Variants in IFT140 observed in about 807,000 individuals in gnomAD.
The protein encoded by IFT140 is intraflagellar transport protein 140 homolog.
In IFT140, 133 loss-of-function variants were observed where a neutral mutation model predicts 164.6. The ratio of observed to expected loss-of-function variants is 0.81; its 90% CI spans 0.70 to 0.93. The LOEUF is 0.93. IFT140 is among the 40% of genes least tolerant of loss of function. The pLI is 0.00. For synonymous variants in IFT140, 860 were observed against 817.3 expected (o/e 1.05, Z -0.89); for missense variants, 2,045 against 1,972.3 (o/e 1.04, Z -0.70).
chr16:1,603,062 A>T (rs2035876901), intron 3 of IFT140, among the ~76,000 whole-genome samples: 1 of 152,164 alleles, frequency 6.6e-6, no homozygotes, highest in African/African-American at 2.4e-5. Flanking sequence ...AATTTTTCAT[A>T]AAAACGCACC....
chr16:1,572,431 G>C (rs2034070043), intron 13 of IFT140, among the ~76,000 whole-genome samples: 2 of 152,178 alleles, frequency 1.3e-5, no homozygotes, highest in African/African-American at 4.8e-5. Flanking sequence ...TGGATCATGA[G>C]GTCAGGAGAT....
At position 1,586,203 on chromosome 16, in the gene IFT140, G is replaced by A; in HGVS notation, c.1082C>T (p.Pro361Leu). 6.2e-7 allele frequency: 1 copy of A among 1,614,104 alleles called. No individual in the cohort carries two copies. The highest frequency in any genetic ancestry group is 8.5e-7 in the Non-Finnish European group (1 of 1,180,032). Reference sequence around the variant, plus strand: ...CCACCTGTCCTTGCCCTCTGCCCCGGGGCTGCCCAGGAAGTCTGGTACTTT... The same window carrying A: ...CCACCTGTCCTTGCCCTCTGCCCCGAGGCTGCCCAGGAAGTCTGGTACTTT... ...WRKVPDFLGSPGAEGKDRWAL... is the reference protein window; with the variant it reads ...WRKVPDFLGSLGAEGKDRWAL... Residue 361 changes from proline (P) to leucine (L), a missense_variant, in exon 10 of 31, where the codon CCC (proline) becomes CTC (leucine). By Grantham distance (98) the Pro-to-Leu change is moderately conservative (BLOSUM62 -3). Coordinates refer to ENST00000426508, the MANE Select transcript of IFT140 (RefSeq NM_014714.4).
intron 4 of IFT140, among the ~76,000 whole-genome samples, chr16:1,596,754 C>T (rs988026105): frequency 1.3e-5 from 2 of 152,080 alleles, no homozygotes; most frequent in African/African-American, 4.8e-5. Flanking sequence ...GAGCCCGAGG[C>T]GCCTCCACCT....
chr16:1,569,738 A>G (rs186040448), intron 14 of IFT140, among the ~76,000 whole-genome samples: 364 of 149,454 alleles, frequency 2.4e-3, no homozygotes, highest in African/African-American at 8.4e-3. Flanking sequence ...CTATAGATGC[A>G]AGTCACCATG....
intron 13 of IFT140, among the ~76,000 whole-genome samples, chr16:1,575,656 G>A (rs966907006): frequency 3.3e-5 from 5 of 152,160 alleles, no homozygotes; most frequent in Admixed American, 2.0e-4. Flanking sequence ...ACTTCTCAGT[G>A]GGCCCACTGT....
intron 19 of IFT140, among the ~76,000 whole-genome samples, chr16:1,540,365 A>G (rs1157563054): frequency 1.3e-5 from 2 of 152,234 alleles, no homozygotes; most frequent in South Asian, 2.1e-4. Flanking sequence ...CTCACGAAGT[A>G]AAGCAGCCCG....
intron 30 of IFT140, among the ~76,000 whole-genome samples, chr16:1,513,872 A>C (rs868010424): frequency 1.4e-5 from 2 of 141,106 alleles, no homozygotes; most frequent in Non-Finnish European, 3.0e-5. Context: ...ACGGGGTTTC[A>C]CCGTGTTAGC....
chr16:1,609,444 G>A (rs1007334132), intron 2 of IFT140, among the ~76,000 whole-genome samples: 3 of 152,092 alleles, frequency 2.0e-5, no homozygotes, highest in Non-Finnish European at 1.5e-5. Context: ...ACAACGTTGC[G>A]CTTCTCCGTG....
At chr16:1,513,545 G>A (rs1327758288) in intron 30 of IFT140, among the ~76,000 whole-genome samples, 2 of 152,064 alleles carry the variant, frequency 1.3e-5, no homozygotes, top group African/African-American at 4.8e-5. Context: ...ACAGCAGCAC[G>A]ACTCCTGTGA....
At chr16:1,567,497 A>G (rs948528526) in intron 15 of IFT140, among the ~76,000 whole-genome samples, 1 of 152,074 alleles carries the variant, frequency 6.6e-6, no homozygotes, top group African/African-American at 2.4e-5. Context: ...CCGGAGCTCC[A>G]CAGCAGCGCA....
At chr16:1,568,877 G>A (rs2033866871) in intron 14 of IFT140, among the ~76,000 whole-genome samples, 1 of 152,220 alleles carries the variant, frequency 6.6e-6, no homozygotes, top group Non-Finnish European at 1.5e-5. Context: ...ATCGCCCGCT[G>A]TGACAGCTGC....
Position 1,525,230 on chromosome 16 carries a change from C to G in IFT140, c.2864+1G>C. ...CCACCAGCCCTGGTGGGGACACTCA[C>G]TTATCCTTCATTTTATTCACGTAGA... is the stretch of plus-strand genomic sequence containing the variant. On this transcript the variant is annotated splice_donor_variant, in intron 22 of 30. Transcript: ENST00000426508. LOFTEE classifies it high-confidence loss of function. The G allele has an allele frequency of 6.2e-7, 1 of 1,609,586 alleles. No homozygotes were observed. The highest frequency in any genetic ancestry group is 8.5e-7 in the Non-Finnish European group (1 of 1,177,414).
chr16:1,584,464 G>C (rs1245827510), intron 10 of IFT140, 44 bp from the exon 11 acceptor site: 1 of 1,495,660 alleles, frequency 6.7e-7, no homozygotes, highest in African/African-American at 1.4e-5. Flanking sequence ...TGTGTGAACA[G>C]AGCAGGAGAA....
chr16:1,513,834 C>T (rs952230107), intron 30 of IFT140, among the ~76,000 whole-genome samples: 14 of 148,676 alleles, frequency 9.4e-5, no homozygotes, highest in Non-Finnish European at 1.6e-4. Context: ...CCACCACACC[C>T]GGCTAATTTT....
chr16:1,588,085 CA>C, intron 7 of IFT140, 61 bp from the exon 8 acceptor site: 1 of 1,443,542 alleles, frequency 6.9e-7, no homozygotes. Context: ...GTCCCGGCTT[CA>C]GGAGCCTGGA....
intron 16 of IFT140, among the ~76,000 whole-genome samples, chr16:1,565,357 G>A (rs1182000501): frequency 1.3e-5 from 2 of 152,172 alleles, no homozygotes; most frequent in South Asian, 2.1e-4. Context: ...GAGTTCCACA[G>A]GAAGTCACTG....
rs144093021 is a variant in IFT140 at position 1,555,179 on chromosome 16, C to T, written c.2399+2756G>A. On this transcript the variant is annotated intron_variant, in intron 19 of 30. Transcript: ENST00000426508. ...GCGCCATGCGTGCGAGACACGTGTG[C>T]GTTTACTGTTATGTCGGTCATATGT... is the stretch of plus-strand genomic sequence containing the variant. The T allele has an allele frequency of 3.8e-3, 3,512 of 927,168 alleles. 12 individuals are homozygous for T. The highest frequency in any genetic ancestry group is 5.0e-3 in the Non-Finnish European group (3,161 of 635,650). The allele number at this position is 927,168 out of a possible 1,614,324, so 57.4% of individuals were successfully genotyped here.
Position 1,592,592 on chromosome 16 carries a change from GA to G in IFT140, c.370-5del. On this transcript the variant is annotated splice_polypyrimidine_tract_variant and splice_region_variant and intron_variant, in intron 4 of 30. Coordinates refer to ENST00000426508, the MANE Select transcript of IFT140 (RefSeq NM_014714.4). ...TCCACAAGAGCAAGACACCAAGCTGGAAAGACCCAACACCACGTGTTAGGAC... is the reference window on the plus strand; with the variant it reads ...TCCACAAGAGCAAGACACCAAGCTGGAAGACCCAACACCACGTGTTAGGAC... 6.2e-7 allele frequency: 1 copy of G among 1,613,864 alleles called. No homozygotes were observed. The highest frequency in any genetic ancestry group is 8.5e-7 in the Non-Finnish European group (1 of 1,179,840).
intron 3 of IFT140, 23 bp from the exon 4 acceptor site, chr16:1,602,614 T>C (rs1404528307): frequency 6.3e-7 from 1 of 1,599,488 alleles, no homozygotes; most frequent in Middle Eastern, 2.1e-4. Flanking sequence ...AGAGGCAAAT[T>C]CCCACAGTTC....
Sources: allele counts gnomAD v4.1 joint callset (sites outside exome capture counted in the v4.1 genomes callset), GRCh38; gene constraint gnomAD v4.1.1; transcripts MANE v1.5; gene names NCBI Gene and HGNC (gene_info 2026-07-23, HGNC 2026-07-21).